The following F8 variants were observed in gnomAD, a reference collection of about 807,000 sequenced individuals.
F8 encodes antihemophilic factor.
A neutral mutation model predicts 140.6 loss-of-function variants in F8; 12 were observed. That is an observed-to-expected ratio of 0.09 (90% CI 0.05 to 0.14). F8 has a LOEUF of 0.14. Among genes scored for constraint, F8 ranks in the 10% least tolerant of loss-of-function variants. F8 has a pLI of 1.00. For synonymous variants in F8, 585 were observed against 614.6 expected (o/e 0.95, Z 0.71); for missense variants, 1,354 against 1,720.7 (o/e 0.79, Z 3.77).
chrX:155,004,675 C>T (rs957559271), intron 1 of F8, among the ~76,000 whole-genome samples: 1 of 112,079 alleles, frequency 8.9e-6, no homozygotes, highest in East Asian at 2.8e-4. Flanking sequence ...CATTCAGTTG[C>T]TTGGTGAGCC....
chrX:154,982,512 TACTAG>T (rs1163964847), intron 6 of F8, among the ~76,000 whole-genome samples: 1 of 108,844 alleles, frequency 9.2e-6, no homozygotes, highest in Non-Finnish European at 1.9e-5. Flanking sequence ...TACATGTTGA[TACTAG>T]ACTATTTTAT....
Position 154,959,883 on chromosome X carries a change from C to T in F8, c.1537+1192G>A, listed in dbSNP as rs141645782. 1.8e-3 allele frequency among the ~76,000 whole-genome samples: 200 copies of T among 112,191 alleles called. 3 individuals are homozygous for T. In the East Asian group the frequency reaches 0.039, roughly 22 times the overall value. On this transcript the variant is annotated intron_variant, in intron 10 of 25. Transcript: ENST00000360256. ...CTAAAATACTAAAATAATACAAATG[C>T]TGTTTTTTAATTTTTTAAGCTTTAG...
In F8 at chrX:154,943,361, T is replaced by C. The variant is rs782341616; in HGVS notation, c.2113+4337A>G. On this transcript the variant is annotated intron_variant, in intron 13 of 25. Transcript: ENST00000360256. Reference sequence around the variant, plus strand: ...CAATGTACAAAAATCACAAGCATTCTTATACACCAATAACAGGCAAACAGA... The same window carrying C: ...CAATGTACAAAAATCACAAGCATTCCTATACACCAATAACAGGCAAACAGA... Among the ~76,000 whole-genome samples the C allele has an allele frequency of 8.1e-5, 9 of 111,700 alleles. No individual in the cohort carries two copies. In the South Asian group the frequency reaches 2.2e-3, roughly 28 times the overall value.
chrX:154,891,731 C>A (rs929222451), intron 22 of F8, among the ~76,000 whole-genome samples: 1 of 112,674 alleles, frequency 8.9e-6, no homozygotes, highest in Non-Finnish European at 1.9e-5. Context: ...TAGGTCAATA[C>A]TTCCATATCA....
At chrX:154,991,273 T>C (rs1380927747) in intron 4 of F8, among the ~76,000 whole-genome samples, 2 of 112,170 alleles carry the variant, frequency 1.8e-5, no homozygotes, top group Non-Finnish European at 3.8e-5. Flanking sequence ...GGGTTTGTCC[T>C]GGAGCTCTCT....
chrX:155,012,476 A>T (rs2073710691), intron 1 of F8, among the ~76,000 whole-genome samples: 1 of 110,692 alleles, frequency 9.0e-6, no homozygotes, highest in Non-Finnish European at 1.9e-5. Context: ...ACACTTGGCT[A>T]ATGAAAAAAA....
chrX:154,877,068 G>C (rs1445492109), intron 22 of F8, among the ~76,000 whole-genome samples: 1 of 112,051 alleles, frequency 8.9e-6, no homozygotes, highest in Non-Finnish European at 1.9e-5. Context: ...CATCCAAAAA[G>C]TTTATGTTGA....
At chrX:154,956,266 A>G (rs1288073281) in intron 11 of F8, among the ~76,000 whole-genome samples, 2 of 111,904 alleles carry the variant, frequency 1.8e-5, no homozygotes, top group African/African-American at 6.5e-5. Flanking sequence ...TTTACAAACA[A>G]TTTGTGCAGA....
chrX:154,954,149 C>A, intron 11 of F8, 107 bp from the exon 12 acceptor site: 9 of 849,701 alleles, frequency 1.1e-5, no homozygotes, highest in Non-Finnish European at 1.6e-5. Context: ...TATATCTAAT[C>A]CATTGGTTTA....
intron 25 of F8, among the ~76,000 whole-genome samples, chrX:154,847,850 A>T (rs977108699): frequency 2.8e-5 from 3 of 106,404 alleles, no homozygotes; most frequent in Non-Finnish European, 5.9e-5. Context: ...CCTTTGGAGT[A>T]GGAGAGGTAC....
rs781843748 is a variant in F8, at chrX:154,930,639, T to C, written c.3151A>G (p.Ile1051Val). 1.1e-5 allele frequency: 13 copies of C among 1,210,951 alleles called. No individual in the cohort carries two copies. Among genetic ancestry groups the C allele is most frequent in the Non-Finnish European group, 1.5e-5 (13 of 894,772 alleles). Residue 1051 changes from isoleucine to valine, a missense_variant, in exon 14 of 26, where the codon ATA becomes GTA. Transcript: ENST00000360256. ...IENSPSVWQN[I>V]LESDTEFKKV... ...TTAAACTCAGTGTCACTTTCTAATA[T>C]ATTTTGCCAGACTGATGGACTATTC... is the stretch of plus-strand genomic sequence containing the variant.
chrX:154,940,217 G>A (rs1557279631), intron 13 of F8, among the ~76,000 whole-genome samples: 1 of 111,569 alleles, frequency 9.0e-6, no homozygotes, highest in Non-Finnish European at 1.9e-5. Context: ...AAACTACTCC[G>A]AGCTAAAGGA....
intron 14 of F8, among the ~76,000 whole-genome samples, chrX:154,916,240 C>A (rs1386026817): frequency 8.9e-6 from 1 of 112,070 alleles, no homozygotes; most frequent in Non-Finnish European, 1.9e-5. Flanking sequence ...CATCTATATT[C>A]ATCAGCGAAG....
At chrX:154,987,392 TTA>T in intron 4 of F8, 87 bp from the exon 5 acceptor site, 1 of 814,746 alleles carries the variant, frequency 1.2e-6, no homozygotes, top group Non-Finnish European at 1.8e-6. Flanking sequence ...TCTTCATCAG[TTA>T]CTTGACAGTA....
At position 154,914,965 on chromosome X, in the gene F8, G is replaced by GCTGGAGA. The variant is rs1557276986; in HGVS notation, c.5220-8399_5220-8393dup. Among the ~76,000 whole-genome samples, 3 of 111,807 alleles carry GCTGGAGA rather than the reference G, an allele frequency of 2.7e-5. No homozygotes were observed. The East Asian group carries it at 8.4e-4, about 31-fold the overall frequency. On this transcript the variant is annotated intron_variant, in intron 14 of 25. Coordinates refer to ENST00000360256, the MANE Select transcript of F8 (RefSeq NM_000132.4). ...TGTTCTCATACTGCTATAAAGAACT[G>GCTGGAGA]CTGGAGACTGGGTAATCTATAAAGG...
At chrX:154,869,474 A>G (rs2072755450) in intron 22 of F8, among the ~76,000 whole-genome samples, 1 of 112,036 alleles carries the variant, frequency 8.9e-6, no homozygotes, top group Non-Finnish European at 1.9e-5. Context: ...GAAGGCAGAT[A>G]TAAAGATGTT....
intron 25 of F8, among the ~76,000 whole-genome samples, chrX:154,849,726 A>G (rs1376252819): frequency 9.1e-6 from 1 of 110,287 alleles, no homozygotes; most frequent in Non-Finnish European, 1.9e-5. Context: ...TACCTGTTTT[A>G]TGTTTCTTTA....
chrX:155,009,535 G>A (rs2073695652), intron 1 of F8, among the ~76,000 whole-genome samples: 1 of 110,468 alleles, frequency 9.1e-6, no homozygotes, highest in Non-Finnish European at 1.9e-5. Flanking sequence ...TCAGGAGTTC[G>A]ACACCAGCCG....
chrX:155,006,864 C>T (rs1229752762), intron 1 of F8, among the ~76,000 whole-genome samples: 1 of 50,152 alleles, frequency 2.0e-5, no homozygotes, highest in Admixed American at 2.5e-4. Flanking sequence ...CCTTCACACC[C>T]CTTCACAGGA....
Sources: gnomAD v4.1 joint callset for allele counts (sites outside exome capture counted in the v4.1 genomes callset) on GRCh38, gnomAD v4.1.1 for gene constraint, MANE v1.5 for transcripts, NCBI Gene and HGNC (gene_info 2026-07-23, HGNC 2026-07-21) for gene names.